FNIP1: variants seen among roughly 807,000 people sequenced by gnomAD.
The protein encoded by FNIP1 is folliculin interacting protein 1.
Under a neutral mutation model 124.5 loss-of-function variants are expected in FNIP1, and 40 were observed. That is an observed-to-expected ratio of 0.32 (90% CI 0.25 to 0.42). The LOEUF is 0.42. FNIP1 is among the 10% of genes least tolerant of loss of function. The pLI is 1.00. For synonymous variants in FNIP1, 472 were observed against 470.6 expected, an observed-to-expected ratio of 1.00 and a Z score of -0.04; for missense variants, 1,176 against 1,403.7, an observed-to-expected ratio of 0.84 and a Z score of 2.59.
chr5:131,738,808 C>A lies in FNIP1; in HGVS notation c.219+5756G>T, dbSNP rs781440867. 1.8e-4 allele frequency among the ~76,000 whole-genome samples: 27 copies of A among 147,316 alleles called. 1 individual carries two copies. The highest frequency in any genetic ancestry group is 1.8e-3 in the Admixed American group (27 of 15,132). On this transcript the variant is annotated intron_variant, in intron 2 of 17. Coordinates refer to ENST00000510461, the MANE Select transcript of FNIP1 (RefSeq NM_133372.3). ...GATTACAGGCATGAGCCACTGCATC[C>A]GGCCTTTTTTTTTTTTTTGGCCAGC...
rs754149089 is a variant in FNIP1, at chr5:131,671,473, G to A, written c.2939+32C>T. On this transcript the variant is annotated intron_variant, in intron 14 of 17. Transcript: ENST00000510461. ...AAAGAGAATGGTACATATTTATATA[G>A]GGCCCATTATAGGTGAAAACTTCCT... 6.7e-5 allele frequency: 100 copies of A among 1,496,492 alleles called. 3 individuals carry two copies. In the South Asian group the frequency reaches 1.2e-3, roughly 18 times the overall value. The allele number at this position is 1,496,492 out of a possible 1,614,324, so 92.7% of individuals were successfully genotyped here. A position where few individuals can be genotyped will look rare whatever the true frequency, so the allele number is the denominator to read the frequency against.
chr5:131,718,321 T>C (rs1403882705), intron 5 of FNIP1, among the ~76,000 whole-genome samples: 2 of 152,264 alleles, frequency 1.3e-5, no homozygotes, highest in Non-Finnish European at 2.9e-5. Context: ...ACAGAATTTC[T>C]GTAGTCTGGA....
intron 3 of FNIP1, among the ~76,000 whole-genome samples, chr5:131,721,324 C>T (rs1239063820): frequency 6.6e-6 from 1 of 151,890 alleles, no homozygotes; most frequent in Non-Finnish European, 1.5e-5. Context: ...ATGGTAGTTA[C>T]CAGGGGCTGG....
intron 1 of FNIP1, among the ~76,000 whole-genome samples, chr5:131,776,762 G>T (rs764876169): frequency 6.6e-6 from 1 of 152,214 alleles, no homozygotes; most frequent in South Asian, 2.1e-4. Context: ...CCCAGGCAAA[G>T]ATGAGGGAGA....
At chr5:131,777,723 C>T (rs1198542304) in intron 1 of FNIP1, among the ~76,000 whole-genome samples, 1 of 152,198 alleles carries the variant, frequency 6.6e-6, no homozygotes, top group East Asian at 1.9e-4. Context: ...TGCAAACTAT[C>T]AAATCATTAT....
At chr5:131,693,333 C>CATATATATATATATATATATATATATAT (rs70974007) in intron 11 of FNIP1, among the ~76,000 whole-genome samples, 1 of 50,124 alleles carries the variant, frequency 2.0e-5, no homozygotes, top group African/African-American at 6.8e-5. Flanking sequence ...TATATATATA[C>CATATATATATATATATATATATATATAT]ATATATATAT....
chr5:131,694,729 T>C (rs1246381958), intron 11 of FNIP1, among the ~76,000 whole-genome samples: 2 of 152,168 alleles, frequency 1.3e-5, no homozygotes, highest in Non-Finnish European at 2.9e-5. Flanking sequence ...TGAACTTTAA[T>C]GTAAATTTTG....
intron 15 of FNIP1, 56 bp downstream of exon 15, chr5:131,670,407 C>T (rs997305101): frequency 7.0e-7 from 1 of 1,437,728 alleles, no homozygotes; most frequent in Non-Finnish European, 9.2e-7. Context: ...ATTTTGGGTT[C>T]TGCTGCTTAA....
intron 16 of FNIP1, 127 bp from the exon 17 acceptor site, chr5:131,647,332 G>C (rs532192543): frequency 3.5e-5 from 23 of 665,266 alleles, no homozygotes; most frequent in Middle Eastern, 2.6e-4. Flanking sequence ...AAAATTTGGA[G>C]CACATTTTTA....
chr5:131,785,739 A>G (rs999145105), intron 1 of FNIP1, among the ~76,000 whole-genome samples: 1 of 152,132 alleles, frequency 6.6e-6, no homozygotes, highest in Non-Finnish European at 1.5e-5. Context: ...GTGCAGTGGT[A>G]TACACTTGTA....
At chr5:131,666,896 GA>G (rs1322183636) in intron 15 of FNIP1, among the ~76,000 whole-genome samples, 1 of 152,098 alleles carries the variant, frequency 6.6e-6, no homozygotes, top group Non-Finnish European at 1.5e-5. Flanking sequence ...GATGAAAGAA[GA>G]AAAGAGACTA....
At chr5:131,728,359 G>A (rs1486933309) in intron 3 of FNIP1, among the ~76,000 whole-genome samples, 1 of 151,928 alleles carries the variant, frequency 6.6e-6, no homozygotes, top group Non-Finnish European at 1.5e-5. Context: ...CATATTTCTT[G>A]GAGGCTTTGT....
chr5:131,713,621 C>T (rs1373042920), intron 6 of FNIP1, among the ~76,000 whole-genome samples: 1 of 152,162 alleles, frequency 6.6e-6, no homozygotes, highest in Non-Finnish European at 1.5e-5. Context: ...TTGGATATTC[C>T]AGTACTTCCA....
At chr5:131,665,451 AT>A (rs1241628642) in intron 15 of FNIP1, among the ~76,000 whole-genome samples, 8 of 151,822 alleles carry the variant, frequency 5.3e-5, no homozygotes, top group South Asian at 2.1e-4. Flanking sequence ...AGAAGACTGT[AT>A]TTTTTTAAAG....
chr5:131,678,889 T>C, intron 12 of FNIP1, 140 bp downstream of exon 12: 2 of 613,676 alleles, frequency 3.3e-6, no homozygotes, highest in South Asian at 5.4e-5. Context: ...TACCCTATCA[T>C]TTAATTATTT....
chr5:131,647,034 C>T, intron 17 of FNIP1, 56 bp downstream of exon 17: 2 of 1,475,406 alleles, frequency 1.4e-6, no homozygotes, highest in Non-Finnish European at 1.9e-6. Context: ...GAGGAAAATT[C>T]CTTGCCTGAT....
In FNIP1 at chr5:131,779,700, A is replaced by AG. The variant is rs1380530918; in HGVS notation, c.92+17129_92+17130insC. The stretch of plus-strand genomic sequence containing the variant: ...GAGATTCTGTTTCAAAAAAAAAAAA[A>AG]AAAGAAAAGAAAAAGAAATGATAGG... On this transcript the variant is annotated intron_variant, in intron 1 of 17. Coordinates refer to ENST00000510461, the MANE Select transcript of FNIP1 (RefSeq NM_133372.3). 4.0e-5 allele frequency among the ~76,000 whole-genome samples: 6 copies of AG among 151,500 alleles called. No homozygotes were observed. The East Asian group carries it at 1.2e-3, about 29-fold the overall frequency.
At chr5:131,784,776 C>T (rs1162696494) in intron 1 of FNIP1, among the ~76,000 whole-genome samples, 3 of 150,992 alleles carry the variant, frequency 2.0e-5, no homozygotes, top group African/African-American at 7.3e-5. Flanking sequence ...GAGCCATGAC[C>T]ACGCCACTGC....
chr5:131,735,187 T>C (rs1770246456), intron 2 of FNIP1, among the ~76,000 whole-genome samples: 1 of 152,018 alleles, frequency 6.6e-6, no homozygotes, highest in Admixed American at 6.5e-5. Flanking sequence ...GAAACCATCA[T>C]TCTCAGCAAA....
Sources: allele counts gnomAD v4.1 joint callset (sites outside exome capture counted in the v4.1 genomes callset), GRCh38; gene constraint gnomAD v4.1.1; transcripts MANE v1.5; gene names NCBI Gene and HGNC (gene_info 2026-07-23, HGNC 2026-07-21).